The following LAMA2 variants were observed in gnomAD, a reference collection of about 807,000 sequenced individuals.
The protein encoded by LAMA2 is laminin subunit alpha-2.
A neutral mutation model predicts 364.8 loss-of-function variants in LAMA2; 269 were observed. The ratio of observed to expected loss-of-function variants is 0.74; its 90% CI spans 0.67 to 0.82. LAMA2 has a LOEUF of 0.82. LAMA2 is among the 40% of genes least tolerant of loss of function. The probability of loss-of-function intolerance (pLI) is 0.00; values close to 1 mark genes in which losing one functional copy is unlikely to be tolerated. For missense variants in LAMA2, 3,807 were observed against 3,873.2 expected, an observed-to-expected ratio of 0.98 and a Z score of 0.45; for synonymous variants, 1,379 against 1,370.6, an observed-to-expected ratio of 1.01 and a Z score of -0.14.
intron 15 of LAMA2, among the ~76,000 whole-genome samples, chr6:129,262,195 A>G (rs931158699): frequency 2.2e-4 from 34 of 152,122 alleles, no homozygotes; most frequent in African/African-American, 8.0e-4. Context: ...AATATTTTCA[A>G]TACATTCTAG....
intron 3 of LAMA2, among the ~76,000 whole-genome samples, chr6:129,092,120 T>C (rs1309443603): frequency 1.3e-5 from 2 of 152,222 alleles, no homozygotes; most frequent in African/African-American, 4.8e-5. Flanking sequence ...TCTGCCCTGC[T>C]GCAGCTACTC....
chr6:128,955,136 A>G (rs1781064849), intron 1 of LAMA2, among the ~76,000 whole-genome samples: 1 of 151,986 alleles, frequency 6.6e-6, no homozygotes, highest in South Asian at 2.1e-4. Flanking sequence ...AAGTTGTTCT[A>G]TTAAATGTAG....
At chr6:129,166,815 T>C (rs894480607) in intron 9 of LAMA2, among the ~76,000 whole-genome samples, 2 of 152,182 alleles carry the variant, frequency 1.3e-5, no homozygotes, top group Admixed American at 1.3e-4. Flanking sequence ...ATTTCTGATA[T>C]TGCTCCTCTT....
At chr6:129,147,175 A>G (rs1379426561) in intron 6 of LAMA2, 127 bp downstream of exon 6, 2 of 732,152 alleles carry the variant, frequency 2.7e-6, no homozygotes, top group African/African-American at 3.5e-5. Context: ...TGTAACAGAA[A>G]TCCATGCCAG....
At chr6:128,900,412 A>G (rs1777016702) in intron 1 of LAMA2, among the ~76,000 whole-genome samples, 3 of 152,206 alleles carry the variant, frequency 2.0e-5, no homozygotes, top group Admixed American at 2.0e-4. Flanking sequence ...GGCACCTAGC[A>G]TGGTCACAGT....
intron 12 of LAMA2, among the ~76,000 whole-genome samples, chr6:129,219,398 C>T (rs940606397): frequency 1.3e-5 from 2 of 151,376 alleles, no homozygotes; most frequent in African/African-American, 4.8e-5. Context: ...ACTAGTTTAA[C>T]CATTGTGGAA....
chr6:129,273,172 A>G (rs888912700), intron 17 of LAMA2, among the ~76,000 whole-genome samples: 3 of 152,208 alleles, frequency 2.0e-5, no homozygotes, highest in Non-Finnish European at 4.4e-5. Context: ...ACTCAAGCCT[A>G]TGATAGTCAT....
intron 12 of LAMA2, among the ~76,000 whole-genome samples, chr6:129,225,782 A>G (rs899136521): frequency 6.6e-6 from 1 of 152,116 alleles, no homozygotes; most frequent in Non-Finnish European, 1.5e-5. Flanking sequence ...AATAAGTGTG[A>G]TGTGGTGCTG....
chr6:129,049,500 T>A (rs1787840496), intron 1 of LAMA2, among the ~76,000 whole-genome samples: 1 of 151,972 alleles, frequency 6.6e-6, no homozygotes, highest in Admixed American at 6.6e-5. Flanking sequence ...CATGAAAAAA[T>A]ATATTTGCAT....
At chr6:129,344,783 G>T (rs1017687969) in intron 30 of LAMA2, among the ~76,000 whole-genome samples, 1 of 152,204 alleles carries the variant, frequency 6.6e-6, no homozygotes. Flanking sequence ...GCAGTGAACA[G>T]CATCAGTTGC....
chr6:129,319,794 G>A (rs1774839273), intron 27 of LAMA2, among the ~76,000 whole-genome samples: 1 of 152,090 alleles, frequency 6.6e-6, no homozygotes, highest in Non-Finnish European at 1.5e-5. Flanking sequence ...ATTATATATT[G>A]TATTCTTATA....
rs371187239 is a variant in LAMA2 at position 129,412,500 on chromosome 6, GA to G, written c.5865+8548del. 4.4e-4 allele frequency among the ~76,000 whole-genome samples: 67 copies of G among 151,538 alleles called. 4 individuals carry two copies. The highest frequency in any genetic ancestry group is 3.4e-3 in the Middle Eastern group (1 of 294). On this transcript the variant is annotated intron_variant, in intron 40 of 64. Coordinates refer to ENST00000421865, the MANE Select transcript of LAMA2 (RefSeq NM_000426.4). ...CATTCCAAACAAGCAGACAGAGAGA[GA>G]AAAAAATAAAGAAATGTGAAGGGGA...
chr6:129,136,566 GAAA>G (rs1224865670), intron 4 of LAMA2, among the ~76,000 whole-genome samples: 1 of 135,044 alleles, frequency 7.4e-6, no homozygotes, highest in Non-Finnish European at 1.6e-5. Context: ...TGACCAGCAG[GAAA>G]AAAAAAAAAG....
chr6:128,960,135 T>C (rs1489131537), intron 1 of LAMA2, among the ~76,000 whole-genome samples: 8 of 152,060 alleles, frequency 5.3e-5, no homozygotes, highest in Admixed American at 2.6e-4. Flanking sequence ...AAATGTTCTG[T>C]AGTTTGATCA....
At chr6:129,414,897 C>T (rs968369022) in intron 40 of LAMA2, among the ~76,000 whole-genome samples, 5 of 152,156 alleles carry the variant, frequency 3.3e-5, no homozygotes, top group African/African-American at 1.2e-4. Flanking sequence ...ATTATTGTGC[C>T]ATCACGTATT....
At chr6:128,993,567 TG>T (rs1319903625) in intron 1 of LAMA2, among the ~76,000 whole-genome samples, 2 of 152,188 alleles carry the variant, frequency 1.3e-5, no homozygotes, top group Admixed American at 6.5e-5. Flanking sequence ...CCTCTATTTT[TG>T]AAAATTAACA....
rs2114672087 is a variant in LAMA2 at position 129,391,641 on chromosome 6, A to T, written c.5222A>T (p.Glu1741Val). ...CTAGAGACACAAAAGGAAATTGCTGAAGATGAGTTGGTGTGAGTAGATGAG... is the reference window on the plus strand; with the variant it reads ...CTAGAGACACAAAAGGAAATTGCTGTAGATGAGTTGGTGTGAGTAGATGAG... Reference protein sequence around the residue: ...KNLETQKEIAEDELVAAEALL... With the variant: ...KNLETQKEIAVDELVAAEALL... The change falls in exon 36 of 65, where the codon GAA (glutamate) becomes GTA (valine). Residue 1741 changes from glutamate (E) to valine (V), a missense_variant. Physicochemically the swap from Glu to Val is moderately radical, Grantham distance 121. Transcript: ENST00000421865. 6.2e-7 allele frequency: 1 copy of T among 1,613,626 alleles called. No homozygotes were observed. The highest frequency in any genetic ancestry group is 8.5e-7 in the Non-Finnish European group (1 of 1,179,558).
intron 17 of LAMA2, among the ~76,000 whole-genome samples, chr6:129,279,051 A>G (rs265372): frequency 0.77 from 117,825 of 152,074 alleles, 46,454 homozygotes; most frequent in East Asian, 0.91. Context: ...TCATTTAGCC[A>G]TCAAGCAAGT....
At chr6:129,033,322 ATG>A (rs1354229138) in intron 1 of LAMA2, among the ~76,000 whole-genome samples, 3 of 152,062 alleles carry the variant, frequency 2.0e-5, no homozygotes, top group Admixed American at 6.5e-5. Flanking sequence ...CAGTGTTTTT[ATG>A]TGTGTTTTAT....
Sources: allele counts gnomAD v4.1 joint callset (sites outside exome capture counted in the v4.1 genomes callset), GRCh38; gene constraint gnomAD v4.1.1; transcripts MANE v1.5; gene names NCBI Gene and HGNC (gene_info 2026-07-23, HGNC 2026-07-21).